Variants in COL14A1 observed in about 807,000 individuals in gnomAD.
COL14A1 encodes the protein collagen alpha-1(XIV) chain.
In COL14A1, 136 loss-of-function variants were observed where a neutral mutation model predicts 230.3. The ratio of observed to expected loss-of-function variants is 0.59; its 90% CI spans 0.51 to 0.68. The LOEUF (loss-of-function observed/expected upper bound fraction) is 0.68. Ranked by LOEUF, COL14A1 falls within the 30% of genes least tolerant of loss-of-function variation. COL14A1 has a pLI of 0.00. For missense variants in COL14A1, 1,976 were observed against 2,215.8 expected (o/e 0.89, Z 2.17); for synonymous variants, 792 against 784.1 (o/e 1.01, Z -0.17).
rs1819819852 is a variant in COL14A1, at chr8:120,275,780, G to A, written c.3214-2331G>A. Reference sequence around the variant, plus strand: ...GAAATGCAGATTAAAACCACAATGAGATACCTCCTTGCCCCTGTAAGAATG... The same window carrying A: ...GAAATGCAGATTAAAACCACAATGAAATACCTCCTTGCCCCTGTAAGAATG... On this transcript the variant is annotated intron_variant, in intron 26 of 47. Transcript: ENST00000297848. 2.0e-5 allele frequency among the ~76,000 whole-genome samples: 3 copies of A among 151,884 alleles called. No individual in the cohort carries two copies. The South Asian group carries it at 6.2e-4, about 32-fold the overall frequency.
Position 120,206,949 on chromosome 8 carries a change from C to T in COL14A1, c.1046C>T (p.Ala349Val). The T allele has an allele frequency of 6.2e-7, 1 of 1,608,526 alleles. No individual in the cohort carries two copies. The highest frequency in any genetic ancestry group is 8.5e-7 in the Non-Finnish European group (1 of 1,178,318). The change falls in exon 10 of 48, where the codon GCC (alanine) becomes GTC (valine). Residue 349 changes from alanine (A) to valine (V), a missense_variant. Physicochemically the swap from Ala to Val is moderately conservative, Grantham distance 64. Coordinates refer to ENST00000297848, the MANE Select transcript of COL14A1 (RefSeq NM_021110.4). ...EEQDREIKASAHAITGPPTEL... is the reference protein window; with the variant it reads ...EEQDREIKASVHAITGPPTEL... The stretch of plus-strand genomic sequence containing the variant: ...ATATGTTTTTTTAATTTAGCCTCAG[C>T]CCATGCCATCACTGGGCCGCCTACG...
At chr8:120,143,715 T>C (rs971614024) in intron 1 of COL14A1, among the ~76,000 whole-genome samples, 2 of 151,940 alleles carry the variant, frequency 1.3e-5, no homozygotes, top group African/African-American at 4.8e-5. Context: ...GGGGTCAGAG[T>C]CTCCAAGCTT....
chr8:120,369,405 T>C lies in COL14A1; in HGVS notation c.5231T>C (p.Leu1744Pro). The change falls in exon 47 of 48, where the codon CTG becomes CCG. Residue 1744 changes from leucine to proline, a missense_variant. Physicochemically the swap from Leu to Pro is moderately conservative, Grantham distance 98 (BLOSUM62 -3). This residue lies in a region of COL14A1 where 1,791 missense variants were observed against 2,019.5 expected (regional missense o/e 0.89). Transcript: ENST00000297848. ...SPGPRGPPGH[L>P]GVPGPQGPSG... ...GGACCAAGAGGCCCACCAGGTCATCTGGGGGTTCCTGGACCCCAAGGTCCT... is the reference window on the plus strand; with the variant it reads ...GGACCAAGAGGCCCACCAGGTCATCCGGGGGTTCCTGGACCCCAAGGTCCT... 1 of 1,610,930 alleles carries C rather than the reference T, an allele frequency of 6.2e-7. No homozygotes were observed. The highest frequency in any genetic ancestry group is 8.5e-7 in the Non-Finnish European group (1 of 1,178,632).
intron 14 of COL14A1, among the ~76,000 whole-genome samples, chr8:120,219,574 T>G (rs1817866553): frequency 6.6e-6 from 1 of 152,270 alleles, no homozygotes; most frequent in African/African-American, 2.4e-5. Flanking sequence ...GCCTCTCTAA[T>G]GTGGACATTC....
Position 120,279,920 on chromosome 8 carries a change from C to T in COL14A1, c.3482-15C>T, listed in dbSNP as rs369308081. 6.0e-5 allele frequency: 97 copies of T among 1,610,480 alleles called. 1 individual carries two copies. In the East Asian group the frequency reaches 7.1e-4, roughly 12 times the overall value. The stretch of plus-strand genomic sequence containing the variant: ...AATTTAAAGTAATCGGAAATCTGTT[C>T]TCTGTCTGCCACAGGCTATAGCATT... On this transcript the variant is annotated splice_polypyrimidine_tract_variant and intron_variant, in intron 28 of 47. Transcript: ENST00000297848.
chr8:120,154,166 C>T (rs143358855), intron 2 of COL14A1, among the ~76,000 whole-genome samples: 23 of 152,126 alleles, frequency 1.5e-4, no homozygotes, highest in African/African-American at 3.4e-4. Context: ...AGTATCTTTA[C>T]GTAGATTGTC....
intron 24 of COL14A1, among the ~76,000 whole-genome samples, chr8:120,265,404 T>G (rs1819472648): frequency 2.6e-5 from 4 of 152,098 alleles, no homozygotes; most frequent in Admixed American, 2.6e-4. Flanking sequence ...GCAATCCTAG[T>G]TACAAAAAAA....
chr8:120,130,085 G>C (rs990133531), intron 1 of COL14A1, among the ~76,000 whole-genome samples: 1 of 152,176 alleles, frequency 6.6e-6, no homozygotes, highest in Admixed American at 6.5e-5. Context: ...TCCACAAACT[G>C]TTACCTGCCT....
rs375823860 is a variant in COL14A1 at position 120,355,500 on chromosome 8, C to G, written c.5077+9937C>G. On this transcript the variant is annotated intron_variant, in intron 45 of 47. Coordinates refer to ENST00000297848, the MANE Select transcript of COL14A1 (RefSeq NM_021110.4). Reference sequence around the variant, plus strand: ...GGATCTTGGCTCACTGCAACCTCCGCCCCCCGGGTTCAAGCAATTCTCCTG... The same window carrying G: ...GGATCTTGGCTCACTGCAACCTCCGGCCCCCGGGTTCAAGCAATTCTCCTG... Among the ~76,000 whole-genome samples, 4 of 151,390 alleles carry G rather than the reference C, an allele frequency of 2.6e-5. No individual in the cohort carries two copies. In the South Asian group the frequency reaches 8.4e-4, roughly 32 times the overall value.
At chr8:120,188,712 A>G (rs1816720633) in intron 5 of COL14A1, among the ~76,000 whole-genome samples, 1 of 152,222 alleles carries the variant, frequency 6.6e-6, no homozygotes, top group Admixed American at 6.5e-5. Context: ...TCAACAGGTC[A>G]TTTCCTCTGT....
At chr8:120,207,502 T>G (rs1817475000) in intron 10 of COL14A1, among the ~76,000 whole-genome samples, 1 of 152,220 alleles carries the variant, frequency 6.6e-6, no homozygotes, top group African/African-American at 2.4e-5. Flanking sequence ...ATATATGGAC[T>G]AGTCCTCCAA....
At chr8:120,138,117 TA>T (rs1435241442) in intron 1 of COL14A1, among the ~76,000 whole-genome samples, 2 of 152,130 alleles carry the variant, frequency 1.3e-5, no homozygotes, top group Non-Finnish European at 2.9e-5. Flanking sequence ...TTCACAACTC[TA>T]TCAATATATC....
At chr8:120,370,507 C>T in intron 47 of COL14A1, 1 of 1,493,586 alleles carries the variant, frequency 6.7e-7, no homozygotes, top group South Asian at 1.3e-5. Flanking sequence ...TGCATCCCTG[C>T]CTTCCCACTT....
At chr8:120,242,447 T>G (rs1342214294) in intron 19 of COL14A1, among the ~76,000 whole-genome samples, 1 of 152,230 alleles carries the variant, frequency 6.6e-6, no homozygotes, top group African/African-American at 2.4e-5. Flanking sequence ...AAGACATTAT[T>G]TAACATCAAC....
chr8:120,315,369 T>TAA (rs56356824), intron 38 of COL14A1, among the ~76,000 whole-genome samples, 164 bp from the exon 39 acceptor site: 24 of 111,842 alleles, frequency 2.1e-4, no homozygotes, highest in African/African-American at 4.9e-4. Flanking sequence ...AGACTCCATT[T>TAA]AAAAAAAAAA....
intron 45 of COL14A1, among the ~76,000 whole-genome samples, chr8:120,361,189 T>C (rs1823199695): frequency 1.3e-5 from 2 of 152,200 alleles, no homozygotes; most frequent in Admixed American, 1.3e-4. Context: ...AGTGTCTGTA[T>C]TAAATTCCAA....
At chr8:120,254,821 C>CAAAA (rs59681431) in intron 22 of COL14A1, among the ~76,000 whole-genome samples, 6 of 93,546 alleles carry the variant, frequency 6.4e-5, no homozygotes, top group East Asian at 2.9e-4. Context: ...ACTGCCTCTA[C>CAAAA]AAAAAAAAAA....
rs376558587 is a variant in COL14A1 at position 120,285,775 on chromosome 8, C to A, written c.3968-86C>A. 28 of 794,334 alleles carry A rather than the reference C, an allele frequency of 3.5e-5. No individual in the cohort carries two copies. In the African/African-American group the frequency reaches 3.9e-4, roughly 11 times the overall value. 49.2% of individuals were successfully genotyped at this position (794,334 alleles called of 1,614,324 possible). On this transcript the variant is annotated intron_variant, in intron 32 of 47. Transcript: ENST00000297848. ...AAATACAGTTTCAAAACAATCGATG[C>A]ATTGTTTTGTTTTGAGTTGAATTTT... is the stretch of plus-strand genomic sequence containing the variant.
chr8:120,340,035 C>T (rs1434117282), intron 42 of COL14A1, among the ~76,000 whole-genome samples: 6 of 93,132 alleles, frequency 6.4e-5, no homozygotes, highest in African/African-American at 3.3e-4. Context: ...GAGACTGCGT[C>T]TCAAAAAAAA....
Sources: allele counts gnomAD v4.1 joint callset (sites outside exome capture counted in the v4.1 genomes callset), GRCh38; gene constraint gnomAD v4.1.1; regional missense constraint gnomAD v4.1.1; transcripts MANE v1.5; gene names NCBI Gene and HGNC (gene_info 2026-07-23, HGNC 2026-07-21).